The following FAM135B variants were observed in gnomAD, a reference collection of about 807,000 sequenced individuals.
FAM135B encodes family with sequence similarity 135 member B, also known as protein FAM135B.
FAM135B carries 43 observed loss-of-function variants against 127.7 expected under a neutral mutation model. The observed-to-expected ratio is 0.34, with a 90% CI of 0.26 to 0.43. The LOEUF (loss-of-function observed/expected upper bound fraction) is 0.43. Among genes scored for constraint, FAM135B ranks in the 20% least tolerant of loss-of-function variants. The pLI, the probability that FAM135B is intolerant of heterozygous loss-of-function variation, is 1.00. For synonymous variants in FAM135B, 670 were observed against 665.1 expected (o/e 1.01, Z -0.11); for missense variants, 1,558 against 1,725.6 (o/e 0.90, Z 1.72).
chr8:138,404,847 G>A (rs1011044891), intron 1 of FAM135B, among the ~76,000 whole-genome samples: 1 of 152,094 alleles, frequency 6.6e-6, no homozygotes, highest in Non-Finnish European at 1.5e-5. Context: ...TTCCACTGAA[G>A]TCTTGAACCT....
chr8:138,337,741 A>T (rs1364283314), intron 2 of FAM135B, among the ~76,000 whole-genome samples: 1 of 152,220 alleles, frequency 6.6e-6, no homozygotes, highest in Non-Finnish European at 1.5e-5. Context: ...CTTTCTTCAC[A>T]GAATTGGAAA....
At chr8:138,202,906 T>C (rs1040378419) in intron 7 of FAM135B, among the ~76,000 whole-genome samples, 1 of 152,100 alleles carries the variant, frequency 6.6e-6, no homozygotes, top group African/African-American at 2.4e-5. Context: ...GAAGGCAGAA[T>C]CTGGAATCAA....
In FAM135B at chr8:138,242,809, A is replaced by G. The variant is rs545909204; in HGVS notation, c.669+133T>C. 2.6e-6 allele frequency: 3 copies of G among 1,170,700 alleles called. No homozygotes were observed. Among genetic ancestry groups the G allele is most frequent in the Non-Finnish European group, 3.5e-6 (3 of 853,454 alleles). The allele number at this position is 1,170,700 out of a possible 1,614,324, so 72.5% of individuals were successfully genotyped here. ...AGTGATAAAAACAAGGGGTGGGAAG[A>G]TGGTGAAAGGAAGGGTCAAATTAGC... On this transcript the variant is annotated intron_variant, in intron 7 of 19. Coordinates refer to ENST00000395297, the MANE Select transcript of FAM135B (RefSeq NM_015912.4). The surrounding 1 kb of genome is among the most constrained non-coding windows in gnomAD (Gnocchi z 9.6).
In FAM135B at chr8:138,131,463, C is replaced by A. The variant is rs1816210822; in HGVS notation, c.*1130G>T. The stretch of plus-strand genomic sequence containing the variant: ...AGTCTTCAGTCTGGTTGTTCTCCTC[C>A]TATCTGATCTCACTTTTGTCCCTGT... On this transcript the variant is annotated 3_prime_UTR_variant, in exon 20 of 20. Transcript: ENST00000395297. The A allele has an allele frequency of 6.6e-6, 1 of 152,606 alleles. No individual in the cohort carries two copies. The highest frequency in any genetic ancestry group is 1.5e-5 in the Non-Finnish European group (1 of 68,036). 9.5% of individuals were successfully genotyped at this position (152,606 alleles called of 1,614,324 possible).
chr8:138,187,780 C>A (rs552503807), intron 9 of FAM135B, among the ~76,000 whole-genome samples: 1 of 152,278 alleles, frequency 6.6e-6, no homozygotes, highest in South Asian at 2.1e-4. Context: ...CTTGACAGAC[C>A]TTTAGATAGC....
chr8:138,347,059 A>C (rs1054920761), intron 2 of FAM135B, among the ~76,000 whole-genome samples: 2 of 152,210 alleles, frequency 1.3e-5, no homozygotes, highest in Non-Finnish European at 2.9e-5. Context: ...GTAAGTGAAT[A>C]AATACATGAA....
At chr8:138,433,439 A>G (rs1835301061) in intron 1 of FAM135B, among the ~76,000 whole-genome samples, 1 of 151,712 alleles carries the variant, frequency 6.6e-6, no homozygotes, top group South Asian at 2.1e-4. Flanking sequence ...AAGAGGATCA[A>G]TTGAACCCGG....
chr8:138,411,299 T>A (rs1444623537), intron 1 of FAM135B, among the ~76,000 whole-genome samples: 1 of 151,896 alleles, frequency 6.6e-6, no homozygotes, highest in Admixed American at 6.6e-5. Flanking sequence ...GAGATATAGA[T>A]CAATGGAACA....
intron 2 of FAM135B, among the ~76,000 whole-genome samples, chr8:138,324,026 A>C (rs530478957): frequency 6.6e-6 from 1 of 152,322 alleles, no homozygotes; most frequent in Admixed American, 6.5e-5. Context: ...CTTCTTTCTT[A>C]ATTCTCTGTG....
intron 2 of FAM135B, among the ~76,000 whole-genome samples, chr8:138,354,028 C>T (rs924253560): frequency 6.6e-6 from 1 of 152,078 alleles, no homozygotes; most frequent in Non-Finnish European, 1.5e-5. Flanking sequence ...CAACACAATG[C>T]AAAAACACCA....
chr8:138,135,778 T>C (rs1341144457), intron 19 of FAM135B, among the ~76,000 whole-genome samples: 1 of 152,214 alleles, frequency 6.6e-6, no homozygotes, highest in Non-Finnish European at 1.5e-5. Flanking sequence ...GCAAGCTCTA[T>C]GTGCAGTAAT....
chr8:138,249,511 G>C (rs1178862094), intron 6 of FAM135B, among the ~76,000 whole-genome samples: 1 of 152,024 alleles, frequency 6.6e-6, no homozygotes, highest in African/African-American at 2.4e-5. Context: ...ACTTTCCCTA[G>C]AGCACAGCAG....
At chr8:138,430,311 C>A (rs150958799) in intron 1 of FAM135B, among the ~76,000 whole-genome samples, 1 of 152,176 alleles carries the variant, frequency 6.6e-6, no homozygotes, top group Admixed American at 6.5e-5. Flanking sequence ...ATGCTTCTTC[C>A]GAAGCTCAGA....
At chr8:138,239,157 A>T (rs904922284) in intron 7 of FAM135B, among the ~76,000 whole-genome samples, 2 of 152,140 alleles carry the variant, frequency 1.3e-5, no homozygotes, top group Non-Finnish European at 2.9e-5. Flanking sequence ...TAAGAAAACT[A>T]AGTTTCCCAG....
intron 1 of FAM135B, among the ~76,000 whole-genome samples, chr8:138,458,564 G>A (rs1836934674): frequency 6.6e-6 from 1 of 152,178 alleles, no homozygotes; most frequent in African/African-American, 2.4e-5. Flanking sequence ...TGTGTCCAGA[G>A]AATTCCATGC....
At chr8:138,442,987 G>C (rs1587465824) in intron 1 of FAM135B, among the ~76,000 whole-genome samples, 1 of 152,250 alleles carries the variant, frequency 6.6e-6, no homozygotes, top group East Asian at 1.9e-4. Context: ...TCTTTAATAA[G>C]TCAGGGGATT....
At chr8:138,209,934 A>T (rs1341423949) in intron 7 of FAM135B, among the ~76,000 whole-genome samples, 1 of 152,230 alleles carries the variant, frequency 6.6e-6, no homozygotes, top group Non-Finnish European at 1.5e-5. Context: ...AAAGTCCCCA[A>T]ATAGAAAGGT....
intron 7 of FAM135B, among the ~76,000 whole-genome samples, chr8:138,198,136 G>A (rs567014948): frequency 2.1e-4 from 32 of 152,228 alleles, no homozygotes; most frequent in African/African-American, 7.5e-4. Context: ...CGGGGGCGGG[G>A]TTTTTCCATG....
intron 19 of FAM135B, among the ~76,000 whole-genome samples, chr8:138,134,861 A>C (rs892515622): frequency 1.3e-5 from 2 of 152,350 alleles, no homozygotes; most frequent in Admixed American, 6.5e-5. Context: ...AGGAAGATTA[A>C]TCAATTTAAG....
Sources: gnomAD v4.1 joint callset for allele counts (sites outside exome capture counted in the v4.1 genomes callset) on GRCh38, gnomAD v4.1.1 for gene constraint, Gnocchi (gnomAD v3.1) non-coding constraint, MANE v1.5 for transcripts, NCBI Gene and HGNC (gene_info 2026-07-23, HGNC 2026-07-21) for gene names.